The following COL6A3 variants were observed in gnomAD, a reference collection of about 807,000 sequenced individuals.
COL6A3 encodes collagen alpha-3(VI) chain.
A neutral mutation model predicts 274.1 loss-of-function variants in COL6A3; 137 were observed. That is an observed-to-expected ratio of 0.50 (90% CI 0.44 to 0.58). The LOEUF (loss-of-function observed/expected upper bound fraction) is 0.58. Ranked by LOEUF, COL6A3 falls within the 20% of genes least tolerant of loss-of-function variation. The probability of loss-of-function intolerance (pLI) is 0.00; values close to 1 mark genes in which losing one functional copy is unlikely to be tolerated. For synonymous variants in COL6A3, 1,650 were observed against 1,650.6 expected (o/e 1.00, Z 0.01); for missense variants, 3,950 against 4,124.9 (o/e 0.96, Z 1.16).
At position 237,374,179 on chromosome 2, in the gene COL6A3, G is replaced by C. The variant is rs775391266; in HGVS notation, c.3679+233C>G. Among the ~76,000 whole-genome samples, 1 of 152,320 alleles carries C rather than the reference G, an allele frequency of 6.6e-6. No homozygotes were observed. The highest frequency in any genetic ancestry group is 1.9e-4 in the East Asian group (1 of 5,190). On this transcript the variant is annotated intron_variant, in intron 8 of 43. Coordinates refer to ENST00000295550, the MANE Select transcript of COL6A3 (RefSeq NM_004369.4). This position sits in a 1 kb window ranked among gnomAD's most constrained non-coding sequence, Gnocchi z 4.8. ...TCCAAGCTGCACATATGTCCCTTTTGGAGAATTTAATTTGCCCCAAAACAT... is the reference window on the plus strand; with the variant it reads ...TCCAAGCTGCACATATGTCCCTTTTCGAGAATTTAATTTGCCCCAAAACAT...
rs2078742229 is a variant in COL6A3, at chr2:237,407,183, A to T, written c.-31+6770T>A. Among the ~76,000 whole-genome samples the T allele has an allele frequency of 6.6e-6, 1 of 152,114 alleles. No homozygotes were observed. The highest frequency in any genetic ancestry group is 2.4e-5 in the African/African-American group (1 of 41,420). On this transcript the variant is annotated intron_variant, in intron 1 of 43. Coordinates refer to ENST00000295550, the MANE Select transcript of COL6A3 (RefSeq NM_004369.4). The surrounding 1 kb of genome is among the most constrained non-coding windows in gnomAD (Gnocchi z 4.3). ...TGCCCTGGCCTCCCAATGTGCTGGGATTATAGGCATGAGCCACTACACCTG... is the reference window on the plus strand; with the variant it reads ...TGCCCTGGCCTCCCAATGTGCTGGGTTTATAGGCATGAGCCACTACACCTG...
intron 6 of COL6A3, among the ~76,000 whole-genome samples, 154 bp downstream of exon 6, chr2:237,378,482 A>G (rs1038539756): frequency 7.9e-5 from 12 of 152,208 alleles, no homozygotes; most frequent in African/African-American, 2.7e-4. Context: ...CCTTGCTGGT[A>G]CAGTGTCTCA....
chr2:237,370,968 G>A (rs1417519895), intron 9 of COL6A3, among the ~76,000 whole-genome samples: 2 of 152,132 alleles, frequency 1.3e-5, no homozygotes, highest in African/African-American at 4.8e-5. Context: ...CCACAAAAAG[G>A]ACAAAAACAC....
Position 237,371,864 on chromosome 2 carries a change from G to A in COL6A3, c.4153C>T (p.Pro1385Ser), listed in dbSNP as rs1229909882. 3 of 1,608,622 alleles carry A rather than the reference G, an allele frequency of 1.9e-6. No individual in the cohort carries two copies. The highest frequency in any genetic ancestry group is 2.2e-5 in the East Asian group (1 of 44,566). The change falls in exon 9 of 44, where the codon CCC (proline) becomes TCC (serine). Residue 1385 changes from proline (P) to serine (S), a missense_variant. Physicochemically the swap from Pro to Ser is moderately conservative, Grantham distance 74. Coordinates refer to ENST00000295550, the MANE Select transcript of COL6A3 (RefSeq NM_004369.4). This position sits in a 1 kb window ranked among gnomAD's most constrained non-coding sequence, Gnocchi z 4.3. ...QEELVKISLS[P>S]EYVFSVSTFR... ...GTGCTCACCGAGAACACATATTCGG[G>A]GCTCAGCGAGATCTTCACCAGCTCC...
At chr2:237,369,747 A>G (rs940385466) in intron 9 of COL6A3, among the ~76,000 whole-genome samples, 1 of 152,164 alleles carries the variant, frequency 6.6e-6, no homozygotes, top group African/African-American at 2.4e-5. Context: ...CTCCCCAGGC[A>G]TTTGTGCCCT....
intron 28 of COL6A3, among the ~76,000 whole-genome samples, chr2:237,349,130 C>G (rs56183343): frequency 0.026 from 3,947 of 151,676 alleles, 76 homozygotes; most frequent in South Asian, 0.039. Context: ...CAAGTCATCA[C>G]CCCTAGACCC....
In COL6A3 at chr2:237,407,637, G is replaced by C. The variant is rs114447412; in HGVS notation, c.-31+6316C>G. On this transcript the variant is annotated intron_variant, in intron 1 of 43. Transcript: ENST00000295550. The surrounding 1 kb of genome is among the most constrained non-coding windows in gnomAD (Gnocchi z 4.3). Reference sequence around the variant, plus strand: ...TAAGAAACTCCAGATTAATTACCCAGATATTTGAAAAAATTACTTTAAAAC... The same window carrying C: ...TAAGAAACTCCAGATTAATTACCCACATATTTGAAAAAATTACTTTAAAAC... Among the ~76,000 whole-genome samples the C allele has an allele frequency of 4.4e-3, 671 of 152,304 alleles. 6 individuals carry two copies. Among genetic ancestry groups the C allele is most frequent in the African/African-American group, 0.015 (635 of 41,566 alleles).
chr2:237,388,735 T>C (rs769190550), intron 3 of COL6A3, among the ~76,000 whole-genome samples: 1 of 152,232 alleles, frequency 6.6e-6, no homozygotes, highest in Non-Finnish European at 1.5e-5. Flanking sequence ...TCAGAAACTA[T>C]TGTTTCTTCT....
chr2:237,388,014 A>G lies in COL6A3; in HGVS notation c.880T>C (p.Phe294Leu). ...VQFSDEPRTM[F>L]SLDTYSTKAQ... ...TTGGTGGAGTAGGTGTCCAAGGAGA[A>G]CATGGTTCTGGGCTCATCGCTAAAC... The change falls in exon 4 of 44, where the codon TTC becomes CTC. Residue 294 changes from phenylalanine (F) to leucine (L), a missense_variant. By Grantham distance (22) the Phe-to-Leu change is conservative. Transcript: ENST00000295550. 1 of 1,614,202 alleles carries G rather than the reference A, an allele frequency of 6.2e-7. No homozygotes were observed. The highest frequency in any genetic ancestry group is 8.5e-7 in the Non-Finnish European group (1 of 1,180,044).
chr2:237,341,062 G>C lies in COL6A3; in HGVS notation c.7854C>G (p.Ile2618Met). The change falls in exon 38 of 44, where the codon ATC becomes ATG. Residue 2618 changes from isoleucine (I) to methionine (M), a missense_variant. Ile to Met is a conservative substitution (Grantham distance 10). Coordinates refer to ENST00000295550, the MANE Select transcript of COL6A3 (RefSeq NM_004369.4). ...DRRAAGSDVD[I>M]DMAFILDSAE... ...CGCTGTCTAAGATGAAAGCCATGTCGATGTCCACATCGCTCCCTGCCGCTC... is the reference window on the plus strand; with the variant it reads ...CGCTGTCTAAGATGAAAGCCATGTCCATGTCCACATCGCTCCCTGCCGCTC... 1.2e-6 allele frequency: 2 copies of C among 1,614,124 alleles called. No homozygotes were observed. Among genetic ancestry groups the C allele is most frequent in the Non-Finnish European group, 8.5e-7 (1 of 1,180,022 alleles).
chr2:237,345,843 C>T (rs921141217), intron 32 of COL6A3, among the ~76,000 whole-genome samples: 3 of 152,196 alleles, frequency 2.0e-5, no homozygotes, highest in African/African-American at 7.2e-5. Context: ...ACCCACCTGA[C>T]CAGCTTTCTT....
chr2:237,339,104 A>G lies in COL6A3; in HGVS notation c.8478T>C (p.Phe2826=), dbSNP rs748250269. The change falls in exon 39 of 44, where the codon TTT becomes TTC. Residue 2826 remains phenylalanine, a synonymous_variant. Transcript: ENST00000295550. ...GTTTCCTGATATCTGGGGACAAGTA[A>G]AAAGCATTTTCACCTAAAGAAAAAA... ...LPSFVSSENA[F]YLSPDIRKQC... is the part of the protein sequence containing the mutation. 10 of 1,613,508 alleles carry G rather than the reference A, an allele frequency of 6.2e-6. No homozygotes were observed. Among genetic ancestry groups the G allele is most frequent in the Non-Finnish European group, 2.5e-6 (3 of 1,179,538 alleles).
Position 237,364,888 on chromosome 2 carries a change from T to C in COL6A3, c.5839-460A>G, listed in dbSNP as rs541660774. On this transcript the variant is annotated intron_variant, in intron 12 of 43. Coordinates refer to ENST00000295550, the MANE Select transcript of COL6A3 (RefSeq NM_004369.4). This position sits in a 1 kb window ranked among gnomAD's most constrained non-coding sequence, Gnocchi z 4.6. The stretch of plus-strand genomic sequence containing the variant: ...ATGTGTGTGCATGTGTATGGGTGCA[T>C]GTGCGTGCATGTGTGTGGGTGCATG... 6.0e-5 allele frequency among the ~76,000 whole-genome samples: 9 copies of C among 150,514 alleles called. No individual in the cohort carries two copies. Among genetic ancestry groups the C allele is most frequent in the Admixed American group, 4.7e-4 (7 of 15,052 alleles).
chr2:237,376,680 G>T, intron 7 of COL6A3, 92 bp downstream of exon 7: 1 of 1,257,234 alleles, frequency 8.0e-7, no homozygotes, highest in Non-Finnish European at 1.2e-6. Flanking sequence ...CTCAAGGAGG[G>T]CTTCTATCTA....
intron 28 of COL6A3, among the ~76,000 whole-genome samples, chr2:237,349,294 T>C (rs1239930409): frequency 1.3e-5 from 2 of 152,234 alleles, no homozygotes; most frequent in Admixed American, 6.5e-5. Context: ...TATGTAGGAA[T>C]TGCCACTTAG....
chr2:237,325,596 C>A lies in COL6A3; in HGVS notation c.9457G>T (p.Gly3153Ter). Residue 3153 changes from glycine (G) to a stop codon, truncating the protein, a stop_gained, in exon 43 of 44, where the codon GGA becomes TGA. Transcript: ENST00000295550. LOFTEE classifies it low-confidence loss of function (END_TRUNC). ...GGCGGNENKFGSQKECEKVCA... is the reference protein window; with the variant it reads ...GGCGGNENKF ...ACCTTTTCACATTCTTTCTGTGATC[C>A]AAATTTGTTTTCGTTTCCACCACAA... 1 of 1,614,136 alleles carries A rather than the reference C, an allele frequency of 6.2e-7. No individual in the cohort carries two copies. Among genetic ancestry groups the A allele is most frequent in the Non-Finnish European group, 8.5e-7 (1 of 1,180,022 alleles).
intron 41 of COL6A3, 132 bp downstream of exon 41, chr2:237,334,494 T>C: frequency 1.0e-6 from 1 of 987,112 alleles, no homozygotes; most frequent in South Asian, 1.5e-5. Flanking sequence ...GTTGTTTTGT[T>C]GTTGTTGCTG....
At chr2:237,405,733 A>C (rs956451463) in intron 1 of COL6A3, among the ~76,000 whole-genome samples, 7 of 152,198 alleles carry the variant, frequency 4.6e-5, no homozygotes, top group African/African-American at 1.7e-4. Context: ...GCTCATGGGA[A>C]GAACCCCGGG....
At chr2:237,345,345 C>G in intron 32 of COL6A3, 132 bp from the exon 33 acceptor site, 1 of 801,814 alleles carries the variant, frequency 1.2e-6, no homozygotes, top group Non-Finnish European at 2.2e-6. Context: ...ACAGCCTCTC[C>G]CTCTAAACCT....
Sources: gnomAD v4.1 joint callset for allele counts (sites outside exome capture counted in the v4.1 genomes callset) on GRCh38, gnomAD v4.1.1 for gene constraint, Gnocchi (gnomAD v3.1) non-coding constraint, MANE v1.5 for transcripts, NCBI Gene and HGNC (gene_info 2026-07-23, HGNC 2026-07-21) for gene names.